Variants in MYO9B observed in about 807,000 individuals in gnomAD.
The protein encoded by MYO9B is unconventional myosin-IXb.
Under a neutral mutation model 229.5 loss-of-function variants are expected in MYO9B, and 71 were observed. The observed-to-expected ratio is 0.31, with a 90% confidence interval of 0.26 to 0.38. The LOEUF (loss-of-function observed/expected upper bound fraction) is 0.38, where lower values mean the gene tolerates loss of function less well. Among genes scored for constraint, MYO9B ranks in the 10% least tolerant of loss-of-function variants. The probability of loss-of-function intolerance (pLI) is 1.00; values close to 1 mark genes in which losing one functional copy is unlikely to be tolerated. For missense variants in MYO9B, 2,255 were observed against 2,920.5 expected (o/e 0.77, Z 5.25); for synonymous variants, 1,185 against 1,235.8 (o/e 0.96, Z 0.86).
At chr19:17,126,804 C>T (rs1467635825) in intron 2 of MYO9B, among the ~76,000 whole-genome samples, 3 of 151,284 alleles carry the variant, frequency 2.0e-5, no homozygotes, top group Admixed American at 6.6e-5. Context: ...GCTGGGACTA[C>T]AGGCGCCCAC....
At chr19:17,123,284 G>A (rs940293162) in intron 2 of MYO9B, among the ~76,000 whole-genome samples, 1 of 152,112 alleles carries the variant, frequency 6.6e-6, no homozygotes. Flanking sequence ...GCTGCAATTC[G>A]GACATAGTTC....
At chr19:17,076,383 G>A (rs78326231) in intron 1 of MYO9B, among the ~76,000 whole-genome samples, 5,064 of 152,106 alleles carry the variant, frequency 0.033, 244 homozygotes, top group African/African-American at 0.11. Flanking sequence ...AATGCGGGGG[G>A]TTCTGAACTA....
At chr19:17,180,342 T>TC (rs1491537443) in intron 14 of MYO9B, among the ~76,000 whole-genome samples, 10,739 of 39,790 alleles carry the variant, frequency 0.27, 1,581 homozygotes, top group South Asian at 0.32. Flanking sequence ...ATGGAAATAA[T>TC]TTTTTTTTTT....
chr19:17,084,336 C>CAA (rs200013930), intron 1 of MYO9B, among the ~76,000 whole-genome samples: 1 of 129,970 alleles, frequency 7.7e-6, no homozygotes, highest in East Asian at 2.3e-4. Context: ...AGACTCATCT[C>CAA]AAAAAAAAAA....
chr19:17,114,214 A>T (rs2057877298), intron 2 of MYO9B, among the ~76,000 whole-genome samples: 1 of 152,156 alleles, frequency 6.6e-6, no homozygotes, highest in African/African-American at 2.4e-5. Context: ...GTCTCTGCCT[A>T]AATATTTGTA....
rs778650957 is a variant in MYO9B at position 17,197,815 on chromosome 19, C to A, written c.4070C>A (p.Thr1357Lys). The A allele has an allele frequency of 1.2e-6, 2 of 1,613,762 alleles. No individual in the cohort carries two copies. The highest frequency in any genetic ancestry group is 1.7e-6 in the Non-Finnish European group (2 of 1,179,880). Residue 1357 changes from threonine to lysine, a missense_variant, in exon 23 of 40, where the codon ACG becomes AAG. Coordinates refer to ENST00000682292, the MANE Select transcript of MYO9B (RefSeq NM_004145.4). ...PTEERRTSFS[T>K]SDVSKLLPSL... ...AGGGAGAGGCGCACCTCCTTCTCCA[C>A]GAGCGACGTCTCCAAGCTCCTCCCG...
chr19:17,195,315 G>C lies in MYO9B; in HGVS notation c.3888G>C (p.Gln1296His). 6.2e-7 allele frequency: 1 copy of C among 1,612,624 alleles called. No homozygotes were observed. Among genetic ancestry groups the C allele is most frequent in the Non-Finnish European group, 8.5e-7 (1 of 1,179,736 alleles). Residue 1296 changes from glutamine to histidine, a missense_variant, in exon 22 of 40, where the codon CAG (glutamine) becomes CAC (histidine). By Grantham distance (24) the Gln-to-His change is conservative. This residue lies in a region of MYO9B where 679 missense variants were observed against 770.2 expected (regional missense o/e 0.88). Transcript: ENST00000682292. The surrounding 1 kb of genome is among the most constrained non-coding windows in gnomAD (Gnocchi z 4.5). ...EKPDSPGGST[Q>H]IQRYLDAERL... Reference sequence around the variant, plus strand: ...CCGACAGCCCCGGAGGCTCCACGCAGATCCAGCGGTACCTGGACGCCGAGC... The same window carrying C: ...CCGACAGCCCCGGAGGCTCCACGCACATCCAGCGGTACCTGGACGCCGAGC...
chr19:17,155,670 G>T (rs1485427664), intron 6 of MYO9B, among the ~76,000 whole-genome samples: 1 of 151,920 alleles, frequency 6.6e-6, no homozygotes, highest in Non-Finnish European at 1.5e-5. Context: ...CTACTTGAGA[G>T]GCTGAGGTGG....
At position 17,200,774 on chromosome 19, in the gene MYO9B, G is replaced by A. The variant is rs767206239; in HGVS notation, c.4508G>A (p.Arg1503His). 1.3e-4 allele frequency: 203 copies of A among 1,613,866 alleles called. No homozygotes were observed. Among genetic ancestry groups the A allele is most frequent in the Non-Finnish European group, 1.6e-4 (188 of 1,179,890 alleles). Residue 1503 changes from arginine (R) to histidine (H), a missense_variant, in exon 26 of 40, where the codon CGC becomes CAC. Coordinates refer to ENST00000682292, the MANE Select transcript of MYO9B (RefSeq NM_004145.4). ...GAGAAGTGGCGGGAATCGGTGTTCCGCCAGATCACCAACGCCAATGAGCTC... is the reference window on the plus strand; with the variant it reads ...GAGAAGTGGCGGGAATCGGTGTTCCACCAGATCACCAACGCCAATGAGCTC... Reference protein sequence around the residue: ...VSEKWRESVFRQITNANELKY... With the variant: ...VSEKWRESVFHQITNANELKY...
At chr19:17,183,069 C>A (rs1424210143) in intron 15 of MYO9B, among the ~76,000 whole-genome samples, 1 of 151,884 alleles carries the variant, frequency 6.6e-6, no homozygotes, top group Non-Finnish European at 1.5e-5. Flanking sequence ...TTACAGGCAC[C>A]CGCCACCACA....
At position 17,206,593 on chromosome 19, in the gene MYO9B, C is replaced by T. The variant is rs539554825; in HGVS notation, c.5387-86C>T. 293 of 1,344,770 alleles carry T rather than the reference C, an allele frequency of 2.2e-4. No homozygotes were observed. In the African/African-American group the frequency reaches 3.7e-3, roughly 17 times the overall value. The allele number at this position is 1,344,770 out of a possible 1,614,324, so 83.3% of individuals were successfully genotyped here. Reference sequence around the variant, plus strand: ...CTGGGCACCACAGGGTGGATGGCACCTGTGCATCTCAGGTCGTGTTGGTGG... The same window carrying T: ...CTGGGCACCACAGGGTGGATGGCACTTGTGCATCTCAGGTCGTGTTGGTGG... On this transcript the variant is annotated intron_variant, in intron 33 of 39. Coordinates refer to ENST00000682292, the MANE Select transcript of MYO9B (RefSeq NM_004145.4).
chr19:17,149,859 G>A (rs766493746), intron 3 of MYO9B, among the ~76,000 whole-genome samples: 1 of 152,190 alleles, frequency 6.6e-6, no homozygotes. Flanking sequence ...TCTGTCAAGC[G>A]ACATTTTGAT....
chr19:17,076,807 A>T (rs2057489386), intron 1 of MYO9B, among the ~76,000 whole-genome samples: 2 of 152,142 alleles, frequency 1.3e-5, no homozygotes, highest in African/African-American at 4.8e-5. Flanking sequence ...GGGAGTGTGC[A>T]TGCACCCTCA....
At chr19:17,142,400 T>C (rs1240811874) in intron 2 of MYO9B, among the ~76,000 whole-genome samples, 1 of 152,118 alleles carries the variant, frequency 6.6e-6, no homozygotes, top group East Asian at 1.9e-4. Flanking sequence ...TGCACAACAT[T>C]GTGAATGTAC....
At chr19:17,174,937 AAAAT>A (rs989448821) in intron 13 of MYO9B, among the ~76,000 whole-genome samples, 5 of 140,810 alleles carry the variant, frequency 3.6e-5, no homozygotes, top group Admixed American at 7.3e-5. Context: ...CTGTCTCAAA[AAAAT>A]AAATAAATAA....
rs11455979 is a variant in MYO9B, at chr19:17,197,406, TGATAGATAGATA to T, written c.4047-353_4047-342del. 6.4e-4 allele frequency among the ~76,000 whole-genome samples: 83 copies of T among 128,840 alleles called. 1 individual carries two copies. Among genetic ancestry groups the T allele is most frequent in the South Asian group, 1.0e-3 (4 of 3,874 alleles). The allele number at this position is 128,840 out of a possible 152,430, so 84.5% of individuals were successfully genotyped here. A position where few individuals can be genotyped will look rare whatever the true frequency, so the allele number is the denominator to read the frequency against. On this transcript the variant is annotated intron_variant, in intron 22 of 39. Coordinates refer to ENST00000682292, the MANE Select transcript of MYO9B (RefSeq NM_004145.4). ...AAGGATGGATGGATGGATAGATAGA[TGATAGATAGATA>T]GATAGATAGATAGATAGATAGATAG...
In MYO9B at chr19:17,193,384, C is replaced by A. The variant is rs914258827; in HGVS notation, c.3128+322C>A. Among the ~76,000 whole-genome samples the A allele has an allele frequency of 1.3e-5, 2 of 152,182 alleles. No individual in the cohort carries two copies. Among genetic ancestry groups the A allele is most frequent in the African/African-American group, 4.8e-5 (2 of 41,450 alleles). On this transcript the variant is annotated intron_variant, in intron 21 of 39. Coordinates refer to ENST00000682292, the MANE Select transcript of MYO9B (RefSeq NM_004145.4). The surrounding 1 kb of genome is among the most constrained non-coding windows in gnomAD (Gnocchi z 4.3). ...GGAGGGGCTGCCTGGACCAGCCCAA[C>A]ACTCACATGGAGCTGGGGCATCCAC...
intron 15 of MYO9B, 42 bp downstream of exon 15, chr19:17,181,082 G>A (rs368767573): frequency 1.3e-5 from 18 of 1,408,654 alleles, no homozygotes; most frequent in African/African-American, 8.6e-5. Flanking sequence ...TGCGACAACC[G>A]CCTCCCACTA....
At chr19:17,108,865 C>G (rs1348294052) in intron 2 of MYO9B, among the ~76,000 whole-genome samples, 3 of 151,528 alleles carry the variant, frequency 2.0e-5, no homozygotes, top group Non-Finnish European at 4.4e-5. Flanking sequence ...AGGCGCCCAC[C>G]ACCGTGCCCG....
Sources: gnomAD v4.1 joint callset for allele counts (sites outside exome capture counted in the v4.1 genomes callset) on GRCh38, gnomAD v4.1.1 for gene constraint, gnomAD v4.1.1 regional missense constraint, Gnocchi (gnomAD v3.1) non-coding constraint, MANE v1.5 for transcripts, NCBI Gene and HGNC (gene_info 2026-07-23, HGNC 2026-07-21) for gene names.